The following NMNAT3 variants were observed in gnomAD, a reference collection of about 807,000 sequenced individuals.
The protein encoded by NMNAT3 is nicotinamide nucleotide adenylyltransferase 3.
A neutral mutation model predicts 24.8 loss-of-function variants in NMNAT3; 21 were observed. The ratio of observed to expected loss-of-function variants is 0.85; its 90% confidence interval spans 0.60 to 1.22. The LOEUF (loss-of-function observed/expected upper bound fraction) is 1.22, where lower values mean the gene tolerates loss of function less well. NMNAT3 is among the 50% of genes most tolerant of loss of function. The pLI, the probability that NMNAT3 is intolerant of heterozygous loss-of-function variation, is 0.00. For missense variants in NMNAT3, 387 were observed against 436.6 expected, an observed-to-expected ratio of 0.89 and a Z score of 1.01; for synonymous variants, 136 against 155.2, an observed-to-expected ratio of 0.88 and a Z score of 0.92.
At chr3:139,563,453 C>G (rs1026429260) in intron 6 of NMNAT3, among the ~76,000 whole-genome samples, 1 of 152,176 alleles carries the variant, frequency 6.6e-6, no homozygotes, top group Non-Finnish European at 1.5e-5. Flanking sequence ...ATACCACCTC[C>G]TTTTTCCAAT....
intron 1 of NMNAT3, among the ~76,000 whole-genome samples, chr3:139,671,011 T>G (rs2057739593): frequency 6.6e-6 from 1 of 152,164 alleles, no homozygotes; most frequent in African/African-American, 2.4e-5. Flanking sequence ...TAACATTCTT[T>G]TTGATTGGAT....
chr3:139,648,232 CA>C (rs1260594990), intron 1 of NMNAT3, among the ~76,000 whole-genome samples: 1 of 152,186 alleles, frequency 6.6e-6, no homozygotes, highest in Non-Finnish European at 1.5e-5. Flanking sequence ...CACCTGCTGC[CA>C]TGTAAGACGT....
At chr3:139,677,457 T>C (rs2108476830) in intron 1 of NMNAT3, among the ~76,000 whole-genome samples, 1 of 152,356 alleles carries the variant, frequency 6.6e-6, no homozygotes, top group South Asian at 2.1e-4. Context: ...TCTCCGGGAC[T>C]CTGGTCATAG....
At chr3:139,600,131 A>G (rs535815034) in intron 3 of NMNAT3, among the ~76,000 whole-genome samples, 1 of 152,114 alleles carries the variant, frequency 6.6e-6, no homozygotes, top group Admixed American at 6.5e-5. Flanking sequence ...TATAAAGCCC[A>G]CTTTGGTCTT....
chr3:139,613,762 T>G (rs2055344042), intron 3 of NMNAT3, among the ~76,000 whole-genome samples: 1 of 152,096 alleles, frequency 6.6e-6, no homozygotes. Flanking sequence ...TAGACTAGAT[T>G]AAGAAAATGT....
intron 4 of NMNAT3, among the ~76,000 whole-genome samples, chr3:139,579,555 C>A (rs540620145): frequency 5.3e-5 from 8 of 152,270 alleles, no homozygotes; most frequent in African/African-American, 1.9e-4. Flanking sequence ...TGTAGATGGA[C>A]TAGTCGCACA....
chr3:139,579,776 T>G (rs1306510091), intron 4 of NMNAT3, among the ~76,000 whole-genome samples: 3 of 152,234 alleles, frequency 2.0e-5, no homozygotes, highest in Non-Finnish European at 4.4e-5. Flanking sequence ...TCTTGACAAA[T>G]ATGTTATTTT....
At chr3:139,672,365 T>C (rs2057788338) in intron 1 of NMNAT3, among the ~76,000 whole-genome samples, 1 of 152,192 alleles carries the variant, frequency 6.6e-6, no homozygotes, top group African/African-American at 2.4e-5. Flanking sequence ...CTCTAAAAAG[T>C]TCCAGGTTGA....
intron 1 of NMNAT3, among the ~76,000 whole-genome samples, chr3:139,655,793 C>T (rs959416745): frequency 6.6e-6 from 1 of 152,142 alleles, no homozygotes; most frequent in Non-Finnish European, 1.5e-5. Context: ...GGCACATTTG[C>T]TCATTGTGAT....
chr3:139,579,176 A>T, intron 4 of NMNAT3, 121 bp from the exon 5 acceptor site: 1 of 769,280 alleles, frequency 1.3e-6, no homozygotes, highest in South Asian at 1.8e-5. Flanking sequence ...AGACTCTGGC[A>T]TTCTCTCATG....
At chr3:139,575,087 A>G (rs1164524592) in intron 5 of NMNAT3, among the ~76,000 whole-genome samples, 2 of 152,306 alleles carry the variant, frequency 1.3e-5, no homozygotes, top group East Asian at 1.9e-4. Context: ...CTCTTAGTCT[A>G]TCTTCCCACC....
At chr3:139,596,767 A>G (rs1480627060) in intron 3 of NMNAT3, among the ~76,000 whole-genome samples, 4 of 151,622 alleles carry the variant, frequency 2.6e-5, no homozygotes, top group Admixed American at 6.6e-5. Flanking sequence ...TCATGTTTCC[A>G]TTTAGTCCAG....
intron 3 of NMNAT3, among the ~76,000 whole-genome samples, chr3:139,616,685 T>C (rs1486390145): frequency 6.6e-6 from 1 of 152,158 alleles, no homozygotes; most frequent in Admixed American, 6.5e-5. Context: ...CACTGTCAAC[T>C]TCTGTTTATT....
chr3:139,563,094 C>T (rs1479719261), intron 6 of NMNAT3, among the ~76,000 whole-genome samples: 54 of 152,212 alleles, frequency 3.5e-4, no homozygotes. Context: ...TTCATAGAAA[C>T]ACCCACTCAA....
intron 3 of NMNAT3, among the ~76,000 whole-genome samples, chr3:139,613,233 C>T (rs1219575161): frequency 6.6e-6 from 1 of 152,176 alleles, no homozygotes; most frequent in African/African-American, 2.4e-5. Context: ...GCAATCTACT[C>T]ATCTGACAAA....
At chr3:139,597,902 G>A (rs2054549908) in intron 3 of NMNAT3, among the ~76,000 whole-genome samples, 1 of 152,184 alleles carries the variant, frequency 6.6e-6, no homozygotes, top group African/African-American at 2.4e-5. Context: ...GAATAGGAGA[G>A]GAGGAACACA....
chr3:139,563,489 G>A (rs984417112), intron 6 of NMNAT3, among the ~76,000 whole-genome samples: 1 of 152,064 alleles, frequency 6.6e-6, no homozygotes, highest in Non-Finnish European at 1.5e-5. Flanking sequence ...GACAATTTCT[G>A]CATGTCAGTT....
chr3:139,572,192 T>A (rs1460912312), intron 6 of NMNAT3: 1 of 398,548 alleles, frequency 2.5e-6, no homozygotes, highest in African/African-American at 2.1e-5. Flanking sequence ...TCTGTTCCAG[T>A]GAGGTGCTCA....
intron 3 of NMNAT3, among the ~76,000 whole-genome samples, chr3:139,596,259 G>T (rs919191971): frequency 6.6e-6 from 1 of 152,112 alleles, no homozygotes; most frequent in African/African-American, 2.4e-5. Flanking sequence ...CAACATTTAG[G>T]CCTACCATAA....
Sources: allele counts gnomAD v4.1 joint callset (sites outside exome capture counted in the v4.1 genomes callset), GRCh38; gene constraint gnomAD v4.1.1; transcripts MANE v1.5; gene names NCBI Gene and HGNC (gene_info 2026-07-23, HGNC 2026-07-21).